Variants in MAGI3 observed in about 807,000 individuals in gnomAD.
MAGI3 encodes membrane associated guanylate kinase, WW and PDZ domain containing 3, also known as membrane-associated guanylate kinase, WW and PDZ domain-containing protein 3.
MAGI3 carries 43 observed loss-of-function variants against 121.8 expected under a neutral mutation model. The observed-to-expected ratio is 0.35, with a 90% confidence interval of 0.28 to 0.46. The LOEUF is 0.46. Ranked by LOEUF, MAGI3 falls within the 20% of genes least tolerant of loss-of-function variation. The pLI is 1.00. For synonymous variants in MAGI3, 553 were observed against 639.3 expected, an observed-to-expected ratio of 0.86 and a Z score of 2.04; for missense variants, 1,547 against 1,797.3, an observed-to-expected ratio of 0.86 and a Z score of 2.52.
At chr1:113,642,648 TTCTG>T (rs1296096128) in intron 10 of MAGI3, 132 bp downstream of exon 10, 7 of 991,860 alleles carry the variant, frequency 7.1e-6, no homozygotes, top group Non-Finnish European at 1.0e-5. Context: ...TTCCTTAAGG[TTCTG>T]TCTGATTGTT....
intron 15 of MAGI3, among the ~76,000 whole-genome samples, chr1:113,656,449 T>C (rs1262392821): frequency 6.6e-6 from 1 of 151,716 alleles, no homozygotes; most frequent in African/African-American, 2.4e-5. Flanking sequence ...AGTCTTACTC[T>C]GTTGCCCAGG....
chr1:113,666,423 G>T (rs1654046740), intron 16 of MAGI3, among the ~76,000 whole-genome samples: 1 of 152,192 alleles, frequency 6.6e-6, no homozygotes, highest in Non-Finnish European at 1.5e-5. Context: ...ACCAGGAGTA[G>T]ATTCCATCTC....
chr1:113,611,338 T>C (rs867316810), intron 6 of MAGI3, among the ~76,000 whole-genome samples: 5 of 152,154 alleles, frequency 3.3e-5, no homozygotes, highest in Admixed American at 6.5e-5. Context: ...TCTGCCCACA[T>C]TGGCCTCCCA....
chr1:113,560,064 A>G (rs1324715681), intron 2 of MAGI3, among the ~76,000 whole-genome samples: 1 of 152,240 alleles, frequency 6.6e-6, no homozygotes, highest in Non-Finnish European at 1.5e-5. Flanking sequence ...CCAAAACAAC[A>G]GAATATACAT....
intron 10 of MAGI3, 122 bp from the exon 11 acceptor site, chr1:113,643,621 G>A (rs1652670746): frequency 2.4e-6 from 2 of 850,512 alleles, no homozygotes; most frequent in African/African-American, 3.4e-5. Flanking sequence ...TACATAGGAG[G>A]TTAGACACAG....
intron 7 of MAGI3, among the ~76,000 whole-genome samples, chr1:113,616,970 G>A (rs561504724): frequency 1.9e-4 from 28 of 146,788 alleles, no homozygotes; most frequent in African/African-American, 6.0e-4. Flanking sequence ...TGCAACCTCC[G>A]CCTTCTGCCT....
intron 6 of MAGI3, among the ~76,000 whole-genome samples, chr1:113,601,266 C>T (rs1470667663): frequency 2.0e-5 from 3 of 152,096 alleles, no homozygotes; most frequent in Non-Finnish European, 4.4e-5. Flanking sequence ...AAAGAAACTA[C>T]CATCAGAGTG....
At chr1:113,565,397 A>G (rs1258860847) in intron 2 of MAGI3, among the ~76,000 whole-genome samples, 2 of 152,142 alleles carry the variant, frequency 1.3e-5, no homozygotes, top group Non-Finnish European at 2.9e-5. Flanking sequence ...TTTGCCGTTG[A>G]AATCTATTAA....
intron 1 of MAGI3, among the ~76,000 whole-genome samples, chr1:113,416,293 T>C (rs1258458576): frequency 4.8e-5 from 4 of 82,492 alleles, no homozygotes; most frequent in Admixed American, 2.9e-4. Flanking sequence ...ATATTAATTA[T>C]GTAATTAATT....
intron 9 of MAGI3, among the ~76,000 whole-genome samples, chr1:113,630,023 C>G (rs1392657496): frequency 2.0e-5 from 3 of 152,082 alleles, no homozygotes; most frequent in African/African-American, 7.2e-5. Context: ...AGGTTCGTGT[C>G]CCTCTCTTCA....
At chr1:113,530,783 G>A (rs886947576) in intron 1 of MAGI3, among the ~76,000 whole-genome samples, 1 of 152,000 alleles carries the variant, frequency 6.6e-6, no homozygotes, top group African/African-American at 2.4e-5. Flanking sequence ...AGCCCTGGTG[G>A]TGTGCACCTG....
At chr1:113,614,793 A>G in intron 7 of MAGI3, 135 bp downstream of exon 7, 1 of 583,762 alleles carries the variant, frequency 1.7e-6, no homozygotes, top group Non-Finnish European at 2.9e-6. Flanking sequence ...ATGAAAAGGT[A>G]GGGGCAGTGA....
rs563035764 is a variant in MAGI3, at chr1:113,431,552, A to T, written c.316+40203A>T. Among the ~76,000 whole-genome samples, 3 of 152,290 alleles carry T rather than the reference A, an allele frequency of 2.0e-5. No homozygotes were observed. In the South Asian group the frequency reaches 6.2e-4, roughly 32 times the overall value. ...TTAGCATAGATGTTGGATATAAGGTAATGATTAAAAATAAATAGTATTTAA... is the reference window on the plus strand; with the variant it reads ...TTAGCATAGATGTTGGATATAAGGTTATGATTAAAAATAAATAGTATTTAA... On this transcript the variant is annotated intron_variant, in intron 1 of 20. Transcript: ENST00000307546.
chr1:113,456,858 T>A (rs1654785163), intron 1 of MAGI3, among the ~76,000 whole-genome samples: 1 of 152,022 alleles, frequency 6.6e-6, no homozygotes, highest in African/African-American at 2.4e-5. Flanking sequence ...ACAGCCTTTT[T>A]TTTTTTTTTC....
chr1:113,516,712 A>G (rs1266041497), intron 1 of MAGI3, among the ~76,000 whole-genome samples: 5 of 152,008 alleles, frequency 3.3e-5, no homozygotes, highest in Admixed American at 2.0e-4. Context: ...GGTATGAGCT[A>G]CCCATAGTGA....
chr1:113,636,688 A>C (rs1337616600), intron 9 of MAGI3, among the ~76,000 whole-genome samples: 1 of 151,164 alleles, frequency 6.6e-6, no homozygotes, highest in Non-Finnish European at 1.5e-5. Flanking sequence ...GTGGTGCTGG[A>C]AAAAATGTAT....
At chr1:113,593,084 C>T (rs542199153) in intron 5 of MAGI3, among the ~76,000 whole-genome samples, 29 of 152,212 alleles carry the variant, frequency 1.9e-4, no homozygotes, top group Non-Finnish European at 3.5e-4. Flanking sequence ...GCAGTGGCTG[C>T]AGAGCTCTGC....
Position 113,672,705 on chromosome 1 carries a change from C to T in MAGI3, c.3009C>T (p.Thr1003=), listed in dbSNP as rs781727649. ...ACAAGCACCTTGCACAGCCTGACAC[C>T]GCAGTAATTTCAGTTGTAGGCAGTC... is the stretch of plus-strand genomic sequence containing the variant. ...SDHKHLAQPD[T]AVISVVGSRH... is the part of the protein sequence containing the mutation. Residue 1003 remains threonine (T), a synonymous_variant, in exon 18 of 21, where the codon ACC becomes ACT. Transcript: ENST00000307546. 9 of 1,613,318 alleles carry T rather than the reference C, an allele frequency of 5.6e-6. No homozygotes were observed. The highest frequency in any genetic ancestry group is 3.3e-5 in the Admixed American group (2 of 59,892).
chr1:113,568,591 T>C (rs1193117866), intron 2 of MAGI3, among the ~76,000 whole-genome samples: 1 of 152,040 alleles, frequency 6.6e-6, no homozygotes, highest in African/African-American at 2.4e-5. Flanking sequence ...ATTATAACAC[T>C]GATAATGATA....
Sources: gnomAD v4.1 joint callset for allele counts (sites outside exome capture counted in the v4.1 genomes callset) on GRCh38, gnomAD v4.1.1 for gene constraint, MANE v1.5 for transcripts, NCBI Gene and HGNC (gene_info 2026-07-23, HGNC 2026-07-21) for gene names.